Variants in DNAL1 observed in about 807,000 individuals in gnomAD.
DNAL1 encodes the protein chromosome 14 open reading frame 168.
Under a neutral mutation model 29.4 loss-of-function variants are expected in DNAL1, and 17 were observed. The observed-to-expected ratio is 0.58, with a 90% CI of 0.40 to 0.87. The LOEUF is 0.87. Among genes scored for constraint, DNAL1 ranks in the 40% least tolerant of loss-of-function variants. DNAL1 has a pLI of 0.00. For synonymous variants in DNAL1, 78 were observed against 76.3 expected, an observed-to-expected ratio of 1.02 and a Z score of -0.12; for missense variants, 188 against 214.1, an observed-to-expected ratio of 0.88 and a Z score of 0.76.
At chr14:73,681,633 A>AATATATATATATATATATATATAT (rs71112793) in intron 5 of DNAL1, among the ~76,000 whole-genome samples, 4 of 35,408 alleles carry the variant, frequency 1.1e-4, no homozygotes, top group South Asian at 1.8e-3. Flanking sequence ...AAAAAAAAAA[A>AATATATATATATATATATATATAT]ATATATATAT....
intron 6 of DNAL1, 82 bp from the exon 7 acceptor site, chr14:73,689,293 A>C (rs1203625901): frequency 6.6e-7 from 1 of 1,508,710 alleles, no homozygotes; most frequent in Non-Finnish European, 9.0e-7. Context: ...TGTCCCCCCA[A>C]AGTTCTGGGA....
intron 5 of DNAL1, among the ~76,000 whole-genome samples, chr14:73,681,605 CAAAAAAA>C (rs71112792): frequency 5.7e-4 from 30 of 52,810 alleles, no homozygotes; most frequent in African/African-American, 1.5e-3. Flanking sequence ...CCATCTCTAC[CAAAAAAA>C]AAAAAAAAAA....
chr14:73,682,258 C>A (rs1422015358), intron 5 of DNAL1, among the ~76,000 whole-genome samples: 1 of 148,008 alleles, frequency 6.8e-6, no homozygotes, highest in Non-Finnish European at 1.5e-5. Context: ...GCAACCTCTG[C>A]CTCCCAGGTT....
At chr14:73,690,928 TTCTC>T (rs926438465) in intron 7 of DNAL1, among the ~76,000 whole-genome samples, 36 of 152,308 alleles carry the variant, frequency 2.4e-4, no homozygotes, top group East Asian at 1.4e-3. Flanking sequence ...AATTGTGGTA[TTCTC>T]TCTGTTTCTC....
At chr14:73,672,477 G>A (rs929989678) in intron 5 of DNAL1, among the ~76,000 whole-genome samples, 16 of 151,370 alleles carry the variant, frequency 1.1e-4, no homozygotes, top group Non-Finnish European at 2.1e-4. Context: ...GTGTGGTGGC[G>A]GGCGCCTGTA....
At chr14:73,691,946 T>G (rs1414523533) in intron 7 of DNAL1, among the ~76,000 whole-genome samples, 2 of 147,908 alleles carry the variant, frequency 1.4e-5, no homozygotes, top group Non-Finnish European at 3.0e-5. Context: ...TCCGCCCGCC[T>G]TGGCCTCCTA....
At chr14:73,688,175 A>G (rs973031376) in intron 6 of DNAL1, among the ~76,000 whole-genome samples, 9 of 152,208 alleles carry the variant, frequency 5.9e-5, no homozygotes, top group African/African-American at 1.7e-4. Flanking sequence ...TTGCTTTTTT[A>G]TTGTATATAA....
rs1468141246 is a variant in DNAL1 at position 73,698,344 on chromosome 14, A to G, written c.*2402A>G. ...TGGGATGTATGAAGAAATGTAGGAT[A>G]TTCTCTCAAATCATTCCCTAAATTA... On this transcript the variant is annotated 3_prime_UTR_variant, in exon 8 of 8. Coordinates refer to ENST00000553645, the MANE Select transcript of DNAL1 (RefSeq NM_031427.4). 6.6e-6 allele frequency: 1 copy of G among 152,204 alleles called. No individual in the cohort carries two copies. Among genetic ancestry groups the G allele is most frequent in the African/African-American group, 2.4e-5 (1 of 41,448 alleles). 9.4% of individuals were successfully genotyped at this position (152,204 alleles called of 1,614,324 possible).
chr14:73,679,366 A>G (rs1595218594), intron 5 of DNAL1, among the ~76,000 whole-genome samples: 1 of 152,310 alleles, frequency 6.6e-6, no homozygotes, highest in African/African-American at 2.4e-5. Context: ...CTGTTAAAAT[A>G]CTGATTATTT....
chr14:73,671,702 A>G, intron 5 of DNAL1, 105 bp downstream of exon 5: 1 of 1,225,182 alleles, frequency 8.2e-7, no homozygotes, highest in South Asian at 2.0e-5. Flanking sequence ...AAAAGGTATC[A>G]GTTTCTTTTA....
At chr14:73,674,231 A>G (rs887111628) in intron 5 of DNAL1, among the ~76,000 whole-genome samples, 33 of 152,214 alleles carry the variant, frequency 2.2e-4, no homozygotes, top group African/African-American at 7.9e-4. Context: ...TTCCTTGACC[A>G]TGCACAATTC....
rs1892317388 is a variant in DNAL1, at chr14:73,697,166, G to T, written c.*1224G>T. 6.6e-6 allele frequency: 1 copy of T among 152,174 alleles called. No homozygotes were observed. The highest frequency in any genetic ancestry group is 2.4e-5 in the African/African-American group (1 of 41,442). The allele number at this position is 152,174 out of a possible 1,614,324, so 9.4% of individuals were successfully genotyped here. On this transcript the variant is annotated 3_prime_UTR_variant, in exon 8 of 8. Transcript: ENST00000553645. Reference sequence around the variant, plus strand: ...TCAGTAAGCAGATGAGGTCATAGGAGGCCATGGCTGGATCACTATTAGATT... The same window carrying T: ...TCAGTAAGCAGATGAGGTCATAGGATGCCATGGCTGGATCACTATTAGATT...
Position 73,687,357 on chromosome 14 carries a change from C to T in DNAL1, c.363C>T (p.Tyr121=). The part of the protein sequence containing the change: ...IHIMKKLKIL[Y]MSNNLVKDWA... ...TAATGAAGAAATTGAAGATTCTCTA[C>T]ATGTCTAATAACCTGGTAAAAGACT... The change falls in exon 6 of 8, where the codon TAC becomes TAT. Residue 121 remains tyrosine (Y), a synonymous_variant. Coordinates refer to ENST00000553645, the MANE Select transcript of DNAL1 (RefSeq NM_031427.4). 1 of 1,610,552 alleles carries T rather than the reference C, an allele frequency of 6.2e-7. No individual in the cohort carries two copies. Among genetic ancestry groups the T allele is most frequent in the African/African-American group, 1.3e-5 (1 of 74,868 alleles).
In DNAL1 at chr14:73,696,297, G is replaced by T; in HGVS notation, c.*355G>T. On this transcript the variant is annotated 3_prime_UTR_variant, in exon 8 of 8. Coordinates refer to ENST00000553645, the MANE Select transcript of DNAL1 (RefSeq NM_031427.4). ...TTTTTCAGTTTGTTCATTTTTTTTA[G>T]GTTAGACATTTTAAAAGATGTACAT... The T allele has an allele frequency of 6.1e-6, 1 of 163,672 alleles. No homozygotes were observed. Among genetic ancestry groups the T allele is most frequent in the Non-Finnish European group, 1.3e-5 (1 of 76,112 alleles). 10.1% of individuals were successfully genotyped at this position (163,672 alleles called of 1,614,324 possible).
chr14:73,649,656 A>T (rs1891069374), intron 1 of DNAL1, among the ~76,000 whole-genome samples: 1 of 152,080 alleles, frequency 6.6e-6, no homozygotes, highest in African/African-American at 2.4e-5. Flanking sequence ...TTTATTTGAA[A>T]CTAACATCCT....
At chr14:73,672,591 G>C (rs1237244878) in intron 5 of DNAL1, among the ~76,000 whole-genome samples, 23 of 117,976 alleles carry the variant, frequency 1.9e-4, no homozygotes, top group Admixed American at 9.2e-4. Context: ...CTGGGTGACA[G>C]AGCGAGACTC....
chr14:73,675,848 C>G (rs531553889), intron 5 of DNAL1, among the ~76,000 whole-genome samples: 2 of 151,952 alleles, frequency 1.3e-5, no homozygotes, highest in East Asian at 3.9e-4. Context: ...AACCCCGTCT[C>G]TACTAAAAAT....
chr14:73,681,430 C>T lies in DNAL1; in HGVS notation c.265-5829C>T, dbSNP rs568914097. Among the ~76,000 whole-genome samples, 82 of 149,458 alleles carry T rather than the reference C, an allele frequency of 5.5e-4. 1 individual carries two copies. Among genetic ancestry groups the T allele is most frequent in the Admixed American group, 4.2e-3 (63 of 15,076 alleles). On this transcript the variant is annotated intron_variant, in intron 5 of 7. Transcript: ENST00000553645. ...GATTACAGGCATGAGCCACCGCACC[C>T]GGTGATTTTATAAAACACTGTACAC...
At chr14:73,649,857 A>G (rs775222800) in intron 1 of DNAL1, among the ~76,000 whole-genome samples, 27 of 152,218 alleles carry the variant, frequency 1.8e-4, no homozygotes, top group Non-Finnish European at 2.5e-4. Context: ...TCCCTTACAT[A>G]TAATGGTGTG....
Sources: allele counts gnomAD v4.1 joint callset (sites outside exome capture counted in the v4.1 genomes callset), GRCh38; gene constraint gnomAD v4.1.1; transcripts MANE v1.5; gene names NCBI Gene and HGNC (gene_info 2026-07-23, HGNC 2026-07-21).